WDHD1: variants seen among roughly 807,000 people sequenced by gnomAD.
The protein encoded by WDHD1 is WD repeat and HMG-box DNA binding protein 1, also known as WD repeat and HMG-box DNA-binding protein 1.
Under a neutral mutation model 135.4 loss-of-function variants are expected in WDHD1, and 111 were observed. The ratio of observed to expected loss-of-function variants is 0.82; its 90% CI spans 0.70 to 0.96. The LOEUF is 0.96. WDHD1 is among the 40% of genes least tolerant of loss of function. WDHD1 has a pLI of 0.00. For synonymous variants in WDHD1, 434 were observed against 439.0 expected (o/e 0.99, Z 0.14); for missense variants, 1,351 against 1,336.3 (o/e 1.01, Z -0.17).
chr14:54,973,495 C>T (rs1188166063), intron 16 of WDHD1, among the ~76,000 whole-genome samples: 1 of 151,934 alleles, frequency 6.6e-6, no homozygotes, highest in Admixed American at 6.6e-5. Context: ...TCATTTATTT[C>T]TTCCTTCTCT....
chr14:54,948,543 C>T (rs2040975056), intron 24 of WDHD1, among the ~76,000 whole-genome samples: 1 of 152,226 alleles, frequency 6.6e-6, no homozygotes, highest in African/African-American at 2.4e-5. Flanking sequence ...TCAAGGAGTC[C>T]TGCCTGCCTC....
rs773976515 is a variant in WDHD1 at position 54,944,310 on chromosome 14, A to G, written c.3189+22T>C. 23 of 1,597,400 alleles carry G rather than the reference A, an allele frequency of 1.4e-5. No homozygotes were observed. In the African/African-American group the frequency reaches 1.5e-4, roughly 10 times the overall value. ...AATCTGGGAATTCACTAAGATCTCA[A>G]TCTCGGCACAATTATCCTTACCTTT... On this transcript the variant is annotated intron_variant, in intron 25 of 25. Transcript: ENST00000360586.
At chr14:54,946,372 G>A (rs143728227) in intron 24 of WDHD1, among the ~76,000 whole-genome samples, 1 of 152,304 alleles carries the variant, frequency 6.6e-6, no homozygotes, top group East Asian at 1.9e-4. Flanking sequence ...TTCTGATTAA[G>A]TATATCAACA....
At position 54,941,409 on chromosome 14, in the gene WDHD1, A is replaced by G. The variant is rs1183021389; in HGVS notation, c.*81T>C. The G allele has an allele frequency of 4.3e-6, 5 of 1,153,854 alleles. No individual in the cohort carries two copies. In the African/African-American group the frequency reaches 7.9e-5, roughly 18 times the overall value. The allele number at this position is 1,153,854 out of a possible 1,614,324, so 71.5% of individuals were successfully genotyped here. ...AAACTCTTTAAAAAATATATATATAATGAGTTTCCCAAAGACTCGAGTCTA... is the reference window on the plus strand; with the variant it reads ...AAACTCTTTAAAAAATATATATATAGTGAGTTTCCCAAAGACTCGAGTCTA... On this transcript the variant is annotated 3_prime_UTR_variant, in exon 26 of 26. Transcript: ENST00000360586.
At chr14:55,017,055 G>T (rs907128519) in intron 2 of WDHD1, among the ~76,000 whole-genome samples, 3 of 152,136 alleles carry the variant, frequency 2.0e-5, no homozygotes, top group Admixed American at 6.5e-5. Context: ...TTCAGTTCAT[G>T]GAAACAAAGT....
intron 2 of WDHD1, among the ~76,000 whole-genome samples, chr14:55,023,403 C>T (rs1307910457): frequency 6.6e-6 from 1 of 152,192 alleles, no homozygotes; most frequent in African/African-American, 2.4e-5. Context: ...ATTTCCTTTT[C>T]ACAGTGGTCC....
chr14:54,967,220 G>C, intron 17 of WDHD1, 60 bp downstream of exon 17: 1 of 1,267,742 alleles, frequency 7.9e-7, no homozygotes, highest in Non-Finnish European at 1.1e-6. Context: ...ATTTTAAAGT[G>C]TGTGTATCAC....
Position 54,941,476 on chromosome 14 carries a change from G to T in WDHD1, c.*14C>A, listed in dbSNP as rs2040836723. The T allele has an allele frequency of 3.8e-6, 6 of 1,597,854 alleles. No individual in the cohort carries two copies. The highest frequency in any genetic ancestry group is 5.1e-6 in the Non-Finnish European group (6 of 1,174,658). ...AAAAAAAATCCATTACTTCCCTAGG[G>T]TCACTTTCTTCCTTTACTCCTGCTT... On this transcript the variant is annotated 3_prime_UTR_variant, in exon 26 of 26. Transcript: ENST00000360586.
rs146798135 is a variant in WDHD1, at chr14:54,943,082, C to T, written c.3189+1250G>A. ...TTTACCAAAGCAAGTATCTACGTTA[C>T]TAGGTGCCTGTGCTGCGCCCTGCCA... On this transcript the variant is annotated intron_variant, in intron 25 of 25. Coordinates refer to ENST00000360586, the MANE Select transcript of WDHD1 (RefSeq NM_007086.4). Among the ~76,000 whole-genome samples the T allele has an allele frequency of 2.5e-3, 387 of 152,344 alleles. 2 individuals carry two copies. The highest frequency in any genetic ancestry group is 8.7e-3 in the African/African-American group (363 of 41,574).
At chr14:54,953,768 T>C (rs867177432) in intron 24 of WDHD1, among the ~76,000 whole-genome samples, 12 of 152,180 alleles carry the variant, frequency 7.9e-5, no homozygotes, top group African/African-American at 2.9e-4. Flanking sequence ...GTGGCACATA[T>C]ACACCATGGA....
intron 10 of WDHD1, among the ~76,000 whole-genome samples, chr14:54,999,635 C>T (rs891244153): frequency 6.6e-6 from 1 of 152,190 alleles, no homozygotes; most frequent in East Asian, 1.9e-4. Flanking sequence ...GTATCACTGT[C>T]ATCCAGGCTG....
chr14:55,000,989 G>A lies in WDHD1; in HGVS notation c.697C>T (p.Leu233Phe). 1 of 1,536,064 alleles carries A rather than the reference G, an allele frequency of 6.5e-7. No homozygotes were observed. The highest frequency in any genetic ancestry group is 8.8e-7 in the Non-Finnish European group (1 of 1,140,382). ...CAGGGAGACCAGGTTACTATATTGAGGGTCTGTAAAGAAAAACAGTTAATA... is the reference window on the plus strand; with the variant it reads ...CAGGGAGACCAGGTTACTATATTGAAGGTCTGTAAAGAAAAACAGTTAATA... ...DLSDNFISQT[L>F]NIVTWSPCGQ... Residue 233 changes from leucine (L) to phenylalanine (F), a missense_variant, in exon 9 of 26, where the codon CTC (leucine) becomes TTC (phenylalanine). Physicochemically the swap from Leu to Phe is conservative, Grantham distance 22. This residue lies in a region of WDHD1 where 1,330 missense variants were observed against 1,296.1 expected (regional missense o/e 1.03). Transcript: ENST00000360586.
At chr14:54,993,414 C>A (rs2041823393) in intron 11 of WDHD1, among the ~76,000 whole-genome samples, 3 of 152,142 alleles carry the variant, frequency 2.0e-5, no homozygotes, top group Non-Finnish European at 4.4e-5. Flanking sequence ...GCCACCATTC[C>A]CAGCCAGACC....
intron 2 of WDHD1, 135 bp from the exon 3 acceptor site, chr14:55,013,731 C>A (rs2042213897): frequency 3.1e-6 from 2 of 635,214 alleles, no homozygotes; most frequent in Non-Finnish European, 5.5e-6. Flanking sequence ...TACAGAGAGA[C>A]CTAGTCTCTA....
At chr14:54,984,672 A>G (rs540116693) in intron 15 of WDHD1, 51 bp downstream of exon 15, 10 of 1,408,376 alleles carry the variant, frequency 7.1e-6, no homozygotes, top group South Asian at 1.7e-5. Flanking sequence ...TTCTTGAAGA[A>G]TATCTAACAC....
chr14:54,971,475 T>C (rs533166563), intron 16 of WDHD1, among the ~76,000 whole-genome samples: 1 of 152,210 alleles, frequency 6.6e-6, no homozygotes, highest in African/African-American at 2.4e-5. Context: ...CAATCCCATT[T>C]ACAATAGCCA....
intron 3 of WDHD1, among the ~76,000 whole-genome samples, chr14:55,011,238 A>G (rs2042163036): frequency 6.6e-6 from 1 of 152,288 alleles, no homozygotes; most frequent in Non-Finnish European, 1.5e-5. Flanking sequence ...TGACAATATG[A>G]AAGTATTGGG....
At chr14:55,008,072 A>G (rs1258511739) in intron 6 of WDHD1, among the ~76,000 whole-genome samples, 1 of 152,234 alleles carries the variant, frequency 6.6e-6, no homozygotes. Flanking sequence ...CTTCATTTAC[A>G]AAACTTAAAA....
chr14:55,021,172 T>C (rs913215639), intron 2 of WDHD1, among the ~76,000 whole-genome samples: 20 of 152,230 alleles, frequency 1.3e-4, no homozygotes, highest in African/African-American at 4.6e-4. Flanking sequence ...CCAATCCTTC[T>C]TCCACCATTT....
Sources: gnomAD v4.1 joint callset for allele counts (sites outside exome capture counted in the v4.1 genomes callset) on GRCh38, gnomAD v4.1.1 for gene constraint, gnomAD v4.1.1 regional missense constraint, MANE v1.5 for transcripts, NCBI Gene and HGNC (gene_info 2026-07-23, HGNC 2026-07-21) for gene names.